The following ERI1 variants were observed in gnomAD, a reference collection of about 807,000 sequenced individuals.
ERI1 encodes the protein 3'-5' exoribonuclease 1.
In ERI1, 39 loss-of-function variants were observed where a neutral mutation model predicts 39.7. That is an observed-to-expected ratio of 0.98 (90% confidence interval 0.76 to 1.28). The LOEUF is 1.28. Among genes scored for constraint, ERI1 ranks in the 50% most tolerant of loss-of-function variants. The pLI is 0.00. For synonymous variants in ERI1, 204 were observed against 149.6 expected (o/e 1.36, Z -2.65); for missense variants, 581 against 416.9 (o/e 1.39, Z -3.43).
chr8:9,063,114 G>A (rs993407424), intron 3 of ERI1, among the ~76,000 whole-genome samples: 5 of 152,162 alleles, frequency 3.3e-5, no homozygotes, highest in African/African-American at 7.2e-5. Context: ...TTTGAGGGAC[G>A]GAATTTAATT....
intron 3 of ERI1, among the ~76,000 whole-genome samples, chr8:9,075,910 T>G (rs146171336): frequency 6.6e-6 from 1 of 152,184 alleles, no homozygotes; most frequent in East Asian, 1.9e-4. Flanking sequence ...AGTGTTGCGA[T>G]TACAGGGGTA....
downstream of ERI1, among the ~76,000 whole-genome samples, chr8:9,034,561 G>A (rs1173921413): frequency 6.6e-6 from 1 of 151,842 alleles, no homozygotes; most frequent in Non-Finnish European, 1.5e-5. Flanking sequence ...GTGGTTTTGG[G>A]GCACCACAGA....
intron 3 of ERI1, among the ~76,000 whole-genome samples, chr8:9,088,894 G>A (rs73662295): frequency 1.3e-5 from 2 of 152,272 alleles, no homozygotes; most frequent in African/African-American, 2.4e-5. Flanking sequence ...CAGGTCATGC[G>A]GGTGAGTTAA....
At chr8:9,080,495 T>G (rs1221907624) in intron 3 of ERI1, among the ~76,000 whole-genome samples, 2 of 152,172 alleles carry the variant, frequency 1.3e-5, no homozygotes, top group Non-Finnish European at 2.9e-5. Flanking sequence ...CTAGAGGAGA[T>G]GAGGCAGAGA....
chr8:9,018,646 T>C lies in ERI1; in HGVS notation c.692+240T>C, dbSNP rs62495495. On this transcript the variant is annotated intron_variant, in intron 5 of 6. Transcript: ENST00000250263. The stretch of plus-strand genomic sequence containing the variant: ...AAAATATGTAAAGCTAAAAAGACTT[T>C]GCTAAAACTCTGTTTTTTCATGACA... Among the ~76,000 whole-genome samples the C allele has an allele frequency of 3.8e-3, 576 of 150,104 alleles. 1 individual carries two copies. Among genetic ancestry groups the C allele is most frequent in the Non-Finnish European group, 6.5e-3 (444 of 68,016 alleles).
At chr8:9,086,629 G>T (rs1417478001) in intron 3 of ERI1, among the ~76,000 whole-genome samples, 4 of 152,102 alleles carry the variant, frequency 2.6e-5, no homozygotes, top group African/African-American at 9.7e-5. Context: ...AATAAGTAAG[G>T]ATGTGTTCAA....
chr8:9,010,156 C>A (rs1228056792), intron 2 of ERI1, among the ~76,000 whole-genome samples: 2 of 152,144 alleles, frequency 1.3e-5, no homozygotes, highest in Non-Finnish European at 2.9e-5. Flanking sequence ...TTAGAATTGA[C>A]AAACATGGTG....
intron 3 of ERI1, among the ~76,000 whole-genome samples, chr8:9,044,874 T>C (rs1798129239): frequency 6.6e-6 from 1 of 152,086 alleles, no homozygotes; most frequent in South Asian, 2.1e-4. Context: ...TTGCTAACAC[T>C]GAGCCAGATT....
At chr8:9,068,669 C>G (rs1056993607) in intron 3 of ERI1, among the ~76,000 whole-genome samples, 4 of 152,048 alleles carry the variant, frequency 2.6e-5, no homozygotes, top group Non-Finnish European at 5.9e-5. Flanking sequence ...CTGAGTTTAT[C>G]TTCTTTCTTT....
chr8:9,066,950 A>ATG (rs967171508), intron 3 of ERI1, among the ~76,000 whole-genome samples: 5 of 152,296 alleles, frequency 3.3e-5, no homozygotes, highest in African/African-American at 1.2e-4. Flanking sequence ...CTACCTTGCA[A>ATG]TGTGGCAGAT....
chr8:9,093,545 A>G (rs1285772081), intron 3 of ERI1, among the ~76,000 whole-genome samples: 2 of 151,716 alleles, frequency 1.3e-5, no homozygotes, highest in Admixed American at 1.3e-4. Context: ...GAAGAAAGTA[A>G]GAAAGTTTGT....
At chr8:9,059,404 T>G (rs1798617972) in intron 3 of ERI1, among the ~76,000 whole-genome samples, 4 of 151,870 alleles carry the variant, frequency 2.6e-5, no homozygotes, top group African/African-American at 4.8e-5. Flanking sequence ...TTTGGAGAGA[T>G]AACGGGCGAT....
At position 9,023,276 on chromosome 8, in the gene ERI1, C is replaced by T. The variant is rs565941627; in HGVS notation, c.807+2812C>T. 4.6e-5 allele frequency among the ~76,000 whole-genome samples: 7 copies of T among 151,980 alleles called. No homozygotes were observed. In the South Asian group the frequency reaches 1.5e-3, roughly 32 times the overall value. On this transcript the variant is annotated intron_variant, in intron 6 of 6. Coordinates refer to ENST00000250263, the MANE Select transcript of ERI1 (RefSeq NM_153332.4). ...CTTATCTGGATTTTGTAATCATATCCTGGAATGTGGTTTCAGAGGTGTCTC... is the reference window on the plus strand; with the variant it reads ...CTTATCTGGATTTTGTAATCATATCTTGGAATGTGGTTTCAGAGGTGTCTC...
chr8:9,064,333 A>C (rs758466116), intron 3 of ERI1, among the ~76,000 whole-genome samples: 1 of 152,094 alleles, frequency 6.6e-6, no homozygotes, highest in African/African-American at 2.4e-5. Flanking sequence ...GAAAAGCGGT[A>C]CTTGCCGCTA....
At chr8:9,037,586 G>A (rs978386118), downstream of ERI1, among the ~76,000 whole-genome samples, 25 of 152,004 alleles carry the variant, frequency 1.6e-4, no homozygotes, top group Middle Eastern at 3.4e-3. Flanking sequence ...AGACACAATG[G>A]GTGCTTAGTT....
chr8:9,083,970 T>C (rs967687546), intron 3 of ERI1, among the ~76,000 whole-genome samples: 1 of 152,158 alleles, frequency 6.6e-6, no homozygotes, highest in East Asian at 1.9e-4. Context: ...ATTTTTTGTA[T>C]TTTTAGTAGA....
chr8:9,019,749 C>G (rs1048432176), intron 5 of ERI1, among the ~76,000 whole-genome samples: 33 of 152,194 alleles, frequency 2.2e-4, no homozygotes, highest in African/African-American at 7.7e-4. Flanking sequence ...TATCCTGTTC[C>G]CAGTATAGCA....
At chr8:9,018,905 T>C (rs1008443685) in intron 5 of ERI1, among the ~76,000 whole-genome samples, 5 of 152,232 alleles carry the variant, frequency 3.3e-5, no homozygotes, top group African/African-American at 1.2e-4. Flanking sequence ...TGTTTTACCC[T>C]GACAACGCCA....
At chr8:9,077,971 A>T (rs922233084) in intron 3 of ERI1, among the ~76,000 whole-genome samples, 5 of 151,986 alleles carry the variant, frequency 3.3e-5, no homozygotes, top group Non-Finnish European at 1.5e-5. Flanking sequence ...GGTGACACTG[A>T]TCCAGCCTAT....
Sources: allele counts gnomAD v4.1 joint callset (sites outside exome capture counted in the v4.1 genomes callset), GRCh38; gene constraint gnomAD v4.1.1; transcripts MANE v1.5; gene names NCBI Gene and HGNC (gene_info 2026-07-23, HGNC 2026-07-21).